Variants in KDM1A observed in about 807,000 individuals in gnomAD.
KDM1A encodes lysine-specific histone demethylase 1A.
A neutral mutation model predicts 109.4 loss-of-function variants in KDM1A; 49 were observed. That is an observed-to-expected ratio of 0.45 (90% CI 0.36 to 0.57). KDM1A has a LOEUF of 0.57. Ranked by LOEUF, KDM1A falls within the 20% of genes least tolerant of loss-of-function variation. The pLI, the probability that KDM1A is intolerant of heterozygous loss-of-function variation, is 0.00. For synonymous variants in KDM1A, 380 were observed against 415.4 expected (o/e 0.91, Z 1.04); for missense variants, 668 against 1,116.6 (o/e 0.60, Z 5.73).
At chr1:23,028,891 G>A (rs542922043) in intron 1 of KDM1A, among the ~76,000 whole-genome samples, 1 of 152,204 alleles carries the variant, frequency 6.6e-6, no homozygotes, top group South Asian at 2.1e-4. Flanking sequence ...CTTTTTAGGG[G>A]CAGGGACACA....
chr1:23,064,359 C>T (rs1643102358), intron 9 of KDM1A, among the ~76,000 whole-genome samples: 1 of 152,150 alleles, frequency 6.6e-6, no homozygotes, highest in South Asian at 2.1e-4. Context: ...TTCTGCTTTA[C>T]CATAATTCTA....
chr1:23,029,928 C>G (rs1641928717), intron 1 of KDM1A, among the ~76,000 whole-genome samples: 1 of 152,268 alleles, frequency 6.6e-6, no homozygotes, highest in Non-Finnish European at 1.5e-5. Context: ...GCGTGAGCCA[C>G]TGCACCTGGC....
chr1:23,025,379 G>A (rs1391977063), intron 1 of KDM1A, among the ~76,000 whole-genome samples: 1 of 149,622 alleles, frequency 6.7e-6, no homozygotes, highest in African/African-American at 2.5e-5. Flanking sequence ...CCCTCAGGCT[G>A]GAGTGCAATG....
At chr1:23,081,201 A>C in intron 18 of KDM1A, 1 of 450,386 alleles carries the variant, frequency 2.2e-6, no homozygotes, top group Non-Finnish European at 4.0e-6. Flanking sequence ...TTGCCAGGTT[A>C]GAAGCAGTGA....
chr1:23,036,492 A>T (rs1642149747), intron 2 of KDM1A, among the ~76,000 whole-genome samples: 1 of 122,114 alleles, frequency 8.2e-6, no homozygotes, highest in Non-Finnish European at 1.6e-5. Flanking sequence ...TTTGGAACAC[A>T]TTTCGGTGTT....
Position 23,067,964 on chromosome 1 carries a change from T to C in KDM1A, c.1180-575T>C, listed in dbSNP as rs143451125. Among the ~76,000 whole-genome samples the C allele has an allele frequency of 4.3e-3, 661 of 152,316 alleles. 3 individuals carry two copies. Among genetic ancestry groups the C allele is most frequent in the South Asian group, 0.019 (92 of 4,822 alleles). On this transcript the variant is annotated intron_variant, in intron 10 of 20. Coordinates refer to ENST00000400181, the MANE Select transcript of KDM1A (RefSeq NM_001009999.3). ...CTTTGTACATTCAATTCTGAACTTA[T>C]TGGTGCCATAAAATATTATTACTGT...
At chr1:23,030,658 G>T in intron 2 of KDM1A, 24 bp downstream of exon 2, 2 of 1,497,032 alleles carry the variant, frequency 1.3e-6, no homozygotes, top group Non-Finnish European at 1.8e-6. Context: ...TCCAACCACA[G>T]TTCTGTTTTA....
chr1:23,050,956 G>A (rs1041945349), intron 4 of KDM1A, among the ~76,000 whole-genome samples: 3 of 152,102 alleles, frequency 2.0e-5, no homozygotes, highest in African/African-American at 7.2e-5. Context: ...ATGGTGGCAG[G>A]CACATGTAGT....
At chr1:23,081,940 G>A (rs972635109) in intron 19 of KDM1A, 45 of 437,136 alleles carry the variant, frequency 1.0e-4, no homozygotes, top group Non-Finnish European at 1.7e-4. Flanking sequence ...CCTTTGAAGG[G>A]AAGGATATTG....
chr1:23,032,003 C>CT (rs1426801549), intron 2 of KDM1A, among the ~76,000 whole-genome samples: 1 of 152,196 alleles, frequency 6.6e-6, no homozygotes, highest in East Asian at 1.9e-4. Context: ...TAGTCTTATA[C>CT]ATTTAGCTCT....
intron 15 of KDM1A, among the ~76,000 whole-genome samples, chr1:23,075,039 A>T (rs1265887697): frequency 6.6e-6 from 1 of 152,234 alleles, no homozygotes; most frequent in East Asian, 1.9e-4. Flanking sequence ...TGGGATTTTG[A>T]TTAGGAGTGC....
chr1:23,074,893 A>C (rs916535158), intron 15 of KDM1A, among the ~76,000 whole-genome samples: 1 of 152,184 alleles, frequency 6.6e-6, no homozygotes, highest in Non-Finnish European at 1.5e-5. Context: ...TTATCTGTCT[A>C]TCCATATGCC....
chr1:23,029,612 C>T (rs1309650762), intron 1 of KDM1A, among the ~76,000 whole-genome samples: 2 of 152,066 alleles, frequency 1.3e-5, no homozygotes, highest in African/African-American at 2.4e-5. Flanking sequence ...TCCATTTCCA[C>T]GTCACTTATT....
At chr1:23,074,634 G>C (rs1643409979) in intron 15 of KDM1A, among the ~76,000 whole-genome samples, 2 of 152,054 alleles carry the variant, frequency 1.3e-5, no homozygotes, top group Admixed American at 1.3e-4. Flanking sequence ...TGTCTTACCT[G>C]TGGTCACAAA....
chr1:23,041,435 C>CTTTTTTTTT (rs66720696), intron 2 of KDM1A, among the ~76,000 whole-genome samples: 50 of 53,028 alleles, frequency 9.4e-4, no homozygotes, highest in East Asian at 2.7e-3. Flanking sequence ...TCTTTTCTTG[C>CTTTTTTTTT]TTTTTTTTTT....
chr1:23,021,506 T>C (rs1472577921), intron 1 of KDM1A, among the ~76,000 whole-genome samples: 14 of 152,038 alleles, frequency 9.2e-5, no homozygotes, highest in South Asian at 8.3e-4. Flanking sequence ...CTACTAAAAA[T>C]ACAAAAAATT....
At chr1:23,049,940 G>T (rs1004366805) in intron 3 of KDM1A, among the ~76,000 whole-genome samples, 1 of 152,152 alleles carries the variant, frequency 6.6e-6, no homozygotes, top group Non-Finnish European at 1.5e-5. Flanking sequence ...GTGATTTTCT[G>T]CTGTTGATTA....
At chr1:23,062,349 T>G (rs1172235858) in intron 9 of KDM1A, among the ~76,000 whole-genome samples, 1 of 152,208 alleles carries the variant, frequency 6.6e-6, no homozygotes, top group Non-Finnish European at 1.5e-5. Flanking sequence ...CTACCTAAAG[T>G]AAAAATTCAT....
chr1:23,081,742 AC>A, intron 19 of KDM1A, 169 bp downstream of exon 19: 6 of 723,614 alleles, frequency 8.3e-6, no homozygotes, highest in Non-Finnish European at 8.5e-6. Context: ...GGTTCAGAAA[AC>A]CCCCCAGGAC....
Sources: gnomAD v4.1 joint callset for allele counts (sites outside exome capture counted in the v4.1 genomes callset) on GRCh38, gnomAD v4.1.1 for gene constraint, MANE v1.5 for transcripts, NCBI Gene and HGNC (gene_info 2026-07-23, HGNC 2026-07-21) for gene names.